The following OTUD7B variants were observed in gnomAD, a reference collection of about 807,000 sequenced individuals.
OTUD7B encodes the protein OTU domain-containing protein 7B.
Under a neutral mutation model 82.2 loss-of-function variants are expected in OTUD7B, and 34 were observed. The observed-to-expected ratio is 0.41, with a 90% CI of 0.31 to 0.55. OTUD7B has a LOEUF of 0.55. OTUD7B is among the 20% of genes least tolerant of loss of function. OTUD7B has a pLI of 0.20. For synonymous variants in OTUD7B, 398 were observed against 402.7 expected (o/e 0.99, Z 0.14); for missense variants, 944 against 1,062.1 (o/e 0.89, Z 1.55).
chr1:149,982,806 C>G (rs948630546), intron 1 of OTUD7B, among the ~76,000 whole-genome samples: 7 of 150,320 alleles, frequency 4.7e-5, no homozygotes, highest in Admixed American at 2.7e-4. Context: ...TTACTCTGGC[C>G]ACAACCTCAT....
At chr1:149,959,573 C>G in intron 7 of OTUD7B, 111 bp downstream of exon 7, 1 of 704,136 alleles carries the variant, frequency 1.4e-6, no homozygotes, top group Non-Finnish European at 2.6e-6. Flanking sequence ...AGCATAGTTC[C>G]CCTCTTTCCT....
intron 7 of OTUD7B, among the ~76,000 whole-genome samples, chr1:149,957,076 C>G (rs142825819): frequency 0.047 from 7,088 of 152,256 alleles, 211 homozygotes; most frequent in Non-Finnish European, 0.072. Flanking sequence ...TGTTCTGTTG[C>G]TGGTGAGGAG....
At chr1:149,988,109 A>T (rs1651279774) in intron 1 of OTUD7B, among the ~76,000 whole-genome samples, 1 of 151,892 alleles carries the variant, frequency 6.6e-6, no homozygotes, top group Non-Finnish European at 1.5e-5. Flanking sequence ...ATATCCTTCT[A>T]CTCACCCTGC....
At chr1:149,989,434 C>A (rs587624821) in intron 1 of OTUD7B, among the ~76,000 whole-genome samples, 1 of 141,572 alleles carries the variant, frequency 7.1e-6, no homozygotes, top group African/African-American at 2.7e-5. Context: ...AATCGTGCCA[C>A]TGAACTCCAG....
chr1:149,950,794 T>TTG (rs1648142100), intron 7 of OTUD7B, among the ~76,000 whole-genome samples: 1 of 12,608 alleles, frequency 7.9e-5, no homozygotes, highest in African/African-American at 1.7e-4. Flanking sequence ...TTTTTGTTTT[T>TTG]TTTTCTTTTT....
chr1:150,019,586 C>G, the OTUD7B span, among the ~76,000 whole-genome samples: 4 of 152,086 alleles, frequency 2.6e-5, no homozygotes, highest in Admixed American at 2.6e-4. Flanking sequence ...AGGTTGGCCT[C>G]GAACTCCTGA....
chr1:150,036,244 G>C, the OTUD7B span, among the ~76,000 whole-genome samples: 2,418 of 147,678 alleles, frequency 0.016, 62 homozygotes, highest in African/African-American at 0.055. Flanking sequence ...AAGAGCCACC[G>C]TGCCCAGTTC....
At chr1:150,013,673 A>G (rs1553787866), upstream of OTUD7B, among the ~76,000 whole-genome samples, 1 of 151,898 alleles carries the variant, frequency 6.6e-6, no homozygotes, top group African/African-American at 2.4e-5. Context: ...TTGTAATACC[A>G]GCACTTTGGG....
At chr1:149,990,327 T>C (rs1248212093) in intron 1 of OTUD7B, among the ~76,000 whole-genome samples, 1 of 152,240 alleles carries the variant, frequency 6.6e-6, no homozygotes, top group African/African-American at 2.4e-5. Flanking sequence ...ACCTTTCTTT[T>C]ATACTTGAAA....
chr1:149,992,207 C>G (rs1651615733), intron 1 of OTUD7B, among the ~76,000 whole-genome samples: 1 of 152,054 alleles, frequency 6.6e-6, no homozygotes, highest in African/African-American at 2.4e-5. Flanking sequence ...CCTGGCGACA[C>G]AGCAAGACTC....
intron 7 of OTUD7B, among the ~76,000 whole-genome samples, chr1:149,958,596 G>T (rs1648895799): frequency 6.6e-6 from 1 of 152,002 alleles, no homozygotes; most frequent in African/African-American, 2.4e-5. Context: ...TTACAGGCGT[G>T]AGCCACTGCG....
At chr1:149,992,092 G>C (rs587680143) in intron 1 of OTUD7B, among the ~76,000 whole-genome samples, 1 of 152,070 alleles carries the variant, frequency 6.6e-6, no homozygotes, top group Admixed American at 6.5e-5. Flanking sequence ...GCTGGGCATG[G>C]TGCACACCTG....
chr1:150,012,589 G>A (rs1163641029), upstream of OTUD7B, among the ~76,000 whole-genome samples: 2 of 152,066 alleles, frequency 1.3e-5, no homozygotes, highest in African/African-American at 4.8e-5. Context: ...AATAGAACCA[G>A]GCGTGGAGCT....
chr1:150,053,959 CA>C, the OTUD7B span: 1 of 416,632 alleles, frequency 2.4e-6, no homozygotes, highest in Non-Finnish European at 4.1e-6. Flanking sequence ...AGGGTAACCT[CA>C]AGGCTAAGAA....
chr1:149,971,240 C>G lies in OTUD7B; in HGVS notation c.97G>C (p.Asp33His). Residue 33 changes from aspartate to histidine, a missense_variant, in exon 3 of 12, where the codon GAT becomes CAT. Asp to His is a moderately conservative substitution (Grantham distance 81). Coordinates refer to ENST00000581312, the MANE Select transcript of OTUD7B (RefSeq NM_020205.4). ...ARDLLEGKNW[D>H]VNAALSDFEQ... ...AAATCACTGAGGGCGGCATTCACATCCCAATTCTTTCCTGTCAGGAGACAA... is the reference window on the plus strand; with the variant it reads ...AAATCACTGAGGGCGGCATTCACATGCCAATTCTTTCCTGTCAGGAGACAA... 1 of 1,606,686 alleles carries G rather than the reference C, an allele frequency of 6.2e-7. No homozygotes were observed. The highest frequency in any genetic ancestry group is 8.5e-7 in the Non-Finnish European group (1 of 1,174,080).
At chr1:149,988,070 T>G (rs1223084736) in intron 1 of OTUD7B, among the ~76,000 whole-genome samples, 1 of 152,186 alleles carries the variant, frequency 6.6e-6, no homozygotes, top group African/African-American at 2.4e-5. Flanking sequence ...TATTATCTAT[T>G]TTTTTGATTA....
chr1:150,013,947 TAC>T (rs1219362552), upstream of OTUD7B, among the ~76,000 whole-genome samples: 78 of 104,340 alleles, frequency 7.5e-4, 1 homozygote, highest in Middle Eastern at 5.2e-3. Context: ...AATATATATA[TAC>T]ACACACACAC....
At chr1:150,002,995 A>G (rs1553785247) in intron 1 of OTUD7B, among the ~76,000 whole-genome samples, 1 of 152,182 alleles carries the variant, frequency 6.6e-6, no homozygotes, top group East Asian at 1.9e-4. Flanking sequence ...TCTCGCCTGT[A>G]ATCCCAGCAC....
chr1:150,067,174 T>C, the OTUD7B span: 5 of 152,244 alleles, frequency 3.3e-5, no homozygotes, highest in African/African-American at 1.2e-4. Context: ...CCTTTGTTCA[T>C]TCATTCAACA....
Sources: allele counts gnomAD v4.1 joint callset (sites outside exome capture counted in the v4.1 genomes callset), GRCh38; gene constraint gnomAD v4.1.1; transcripts MANE v1.5; gene names NCBI Gene and HGNC (gene_info 2026-07-23, HGNC 2026-07-21).